The following ANKAR variants were observed in gnomAD, a reference collection of about 807,000 sequenced individuals.
ANKAR encodes the protein ankyrin and armadillo repeat containing, also known as ankyrin and armadillo repeat-containing protein.
In ANKAR, 136 loss-of-function variants were observed where a neutral mutation model predicts 146.2. That is an observed-to-expected ratio of 0.93 (90% confidence interval 0.81 to 1.07). The LOEUF is 1.07. ANKAR is among the 50% of genes least tolerant of loss of function. The probability of loss-of-function intolerance (pLI) is 0.00; values close to 1 mark genes in which losing one functional copy is unlikely to be tolerated. For missense variants in ANKAR, 1,567 were observed against 1,679.9 expected (o/e 0.93, Z 1.18); for synonymous variants, 500 against 575.8 (o/e 0.87, Z 1.88).
chr2:189,706,460 A>G (rs1394220930), intron 8 of ANKAR, among the ~76,000 whole-genome samples: 1 of 152,146 alleles, frequency 6.6e-6, no homozygotes, highest in Non-Finnish European at 1.5e-5. Context: ...CAAACAAAAT[A>G]TCTTTACTAT....
intron 5 of ANKAR, among the ~76,000 whole-genome samples, chr2:189,694,541 TC>T (rs2036913197): frequency 6.6e-6 from 1 of 152,146 alleles, no homozygotes; most frequent in Non-Finnish European, 1.5e-5. Context: ...GAGGGGGGTT[TC>T]TCTAGTCCAC....
At chr2:189,762,770 C>T (rs945290599), downstream of ANKAR, 1 of 985,380 alleles carries the variant, frequency 1.0e-6, no homozygotes, top group Admixed American at 6.1e-5. Flanking sequence ...GGAGAAAGCC[C>T]GAACCTGGCG....
At chr2:189,743,100 C>T (rs1264302876) in intron 20 of ANKAR, among the ~76,000 whole-genome samples, 175 bp from the exon 21 acceptor site, 1 of 152,014 alleles carries the variant, frequency 6.6e-6, no homozygotes, top group Non-Finnish European at 1.5e-5. Flanking sequence ...TGACAGCTCT[C>T]TGTAAAAATA....
rs2042129031 is a variant in ANKAR at position 189,728,831 on chromosome 2, C to G, written c.3193+10C>G. On this transcript the variant is annotated intron_variant, in intron 15 of 22. Coordinates refer to ENST00000684021, the MANE Select transcript of ANKAR (RefSeq NM_001378068.1). ...GGATCCATTTGTATTGGTTTGTATA[C>G]TTATTCTCAATTTCTTAAATATCTG... 1 of 1,600,412 alleles carries G rather than the reference C, an allele frequency of 6.2e-7. No homozygotes were observed. The highest frequency in any genetic ancestry group is 1.3e-5 in the African/African-American group (1 of 74,412).
At chr2:189,762,835 T>C, downstream of ANKAR, 2 of 985,436 alleles carry the variant, frequency 2.0e-6, no homozygotes, top group Non-Finnish European at 2.4e-6. Context: ...CTGGCTGCTG[T>C]TCCGCTAGCG....
At chr2:189,696,456 T>G in intron 7 of ANKAR, 87 bp downstream of exon 7, 19 of 1,298,664 alleles carry the variant, frequency 1.5e-5, no homozygotes, top group Non-Finnish European at 2.0e-5. Context: ...TAGAGCAGGT[T>G]AAAATTTGGT....
At chr2:189,703,099 A>C (rs115249328) in intron 7 of ANKAR, among the ~76,000 whole-genome samples, 2,854 of 152,262 alleles carry the variant, frequency 0.019, 88 homozygotes, top group African/African-American at 0.065. Flanking sequence ...ACAAGGTATG[A>C]ATGGTTTTAT....
intron 8 of ANKAR, among the ~76,000 whole-genome samples, chr2:189,706,311 G>A (rs1270452581): frequency 6.6e-5 from 10 of 151,880 alleles, no homozygotes; most frequent in African/African-American, 1.9e-4. Context: ...CACTTGAACC[G>A]AGAGGCAGAG....
intron 17 of ANKAR, among the ~76,000 whole-genome samples, chr2:189,736,660 T>C (rs776518817): frequency 6.6e-6 from 1 of 152,054 alleles, no homozygotes; most frequent in Non-Finnish European, 1.5e-5. Flanking sequence ...ATTTCATCTA[T>C]ACATCTACTC....
At chr2:189,741,005 A>G (rs1397135658) in intron 19 of ANKAR, among the ~76,000 whole-genome samples, 1 of 152,172 alleles carries the variant, frequency 6.6e-6, no homozygotes, top group Non-Finnish European at 1.5e-5. Context: ...AAATTTTCTT[A>G]TGATAATTAA....
At chr2:189,758,997 T>A (rs1176689859) in intron 18 of ANKAR, among the ~76,000 whole-genome samples, 2 of 152,158 alleles carry the variant, frequency 1.3e-5, no homozygotes, top group African/African-American at 4.8e-5. Context: ...TAATAATAGT[T>A]ACTGTCTGCA....
chr2:189,719,981 A>G (rs764881371), intron 11 of ANKAR, among the ~76,000 whole-genome samples, 168 bp downstream of exon 11: 4 of 152,202 alleles, frequency 2.6e-5, no homozygotes, highest in Non-Finnish European at 5.9e-5. Context: ...AAAAGTTGGC[A>G]TTTGAGTACG....
At chr2:189,682,015 TA>T (rs1436828753) in intron 2 of ANKAR, among the ~76,000 whole-genome samples, 1 of 152,184 alleles carries the variant, frequency 6.6e-6, no homozygotes, top group Non-Finnish European at 1.5e-5. Context: ...AAATTGTTCT[TA>T]AATGAGGCTG....
In ANKAR at chr2:189,680,280, G is replaced by A. The variant is rs532014418; in HGVS notation, c.601+3189G>A. ...TGATCTTTTGTATTTTGTGGTATCG[G>A]TTATAATGACTCCTGTTTCATTTCT... On this transcript the variant is annotated intron_variant, in intron 2 of 22. Transcript: ENST00000684021. 1.4e-4 allele frequency among the ~76,000 whole-genome samples: 21 copies of A among 152,170 alleles called. No individual in the cohort carries two copies. The South Asian group carries it at 3.1e-3, about 23-fold the overall frequency.
chr2:189,683,762 CTG>C (rs1446061104), intron 2 of ANKAR, among the ~76,000 whole-genome samples: 6 of 152,338 alleles, frequency 3.9e-5, no homozygotes, highest in South Asian at 4.1e-4. Context: ...GACTGGGAAA[CTG>C]TGTTCACACC....
Position 189,755,470 on chromosome 2 carries a change from G to T in ANKAR, c.*585-5628G>T, listed in dbSNP as rs751905195. On this transcript the variant is annotated intron_variant and NMD_transcript_variant, in intron 18 of 18. Coordinates refer to the ANKAR transcript ENST00000441800. ...CAATTGCTGAGAGGTCACTTGGAGAGACTCCACTGGCAGAAAGAGCTTCTT... is the reference window on the plus strand; with the variant it reads ...CAATTGCTGAGAGGTCACTTGGAGATACTCCACTGGCAGAAAGAGCTTCTT... The T allele has an allele frequency of 1.9e-6, 3 of 1,602,954 alleles. No individual in the cohort carries two copies. The African/African-American group carries it at 4.1e-5, about 22-fold the overall frequency.
In ANKAR at chr2:189,695,007, A is replaced by T; in HGVS notation, c.1334A>T (p.Glu445Val). 1 of 1,551,796 alleles carries T rather than the reference A, an allele frequency of 6.4e-7. No homozygotes were observed. The highest frequency in any genetic ancestry group is 8.7e-7 in the Non-Finnish European group (1 of 1,149,362). Reference protein sequence around the residue: ...KSYYVIYFELETFYQQLYKTQ... With the variant: ...KSYYVIYFELVTFYQQLYKTQ... ...TACTATGTGATCTATTTTGAACTAGAAACTTTCTATCAGCAACTATATAAG... is the reference window on the plus strand; with the variant it reads ...TACTATGTGATCTATTTTGAACTAGTAACTTTCTATCAGCAACTATATAAG... The change falls in exon 6 of 23, where the codon GAA (glutamate) becomes GTA (valine). Residue 445 changes from glutamate to valine, a missense_variant. Physicochemically the swap from Glu to Val is moderately radical, Grantham distance 121 (BLOSUM62 -2). Coordinates refer to ENST00000684021, the MANE Select transcript of ANKAR (RefSeq NM_001378068.1).
At chr2:189,742,964 ACACACACACACACACACC>A (rs2043581680) in intron 20 of ANKAR, among the ~76,000 whole-genome samples, 3 of 131,308 alleles carry the variant, frequency 2.3e-5, no homozygotes, top group Admixed American at 1.5e-4. Context: ...ACACACACAC[ACACACACACACACACACC>A]CCTGAAAGGA....
chr2:189,683,014 A>G (rs2034975797), intron 2 of ANKAR, among the ~76,000 whole-genome samples: 1 of 152,000 alleles, frequency 6.6e-6, no homozygotes, highest in African/African-American at 2.4e-5. Flanking sequence ...ATAAAGGCAG[A>G]CCCCTCATGA....
Sources: allele counts gnomAD v4.1 joint callset (sites outside exome capture counted in the v4.1 genomes callset), GRCh38; gene constraint gnomAD v4.1.1; transcripts MANE v1.5; gene names NCBI Gene and HGNC (gene_info 2026-07-23, HGNC 2026-07-21).